Variants in CNTNAP5 observed in about 807,000 individuals in gnomAD.
The protein encoded by CNTNAP5 is contactin associated protein family member 5.
CNTNAP5 carries 72 observed loss-of-function variants against 150.2 expected under a neutral mutation model. The ratio of observed to expected loss-of-function variants is 0.48; its 90% CI spans 0.40 to 0.58. CNTNAP5 has a LOEUF of 0.58. Ranked by LOEUF, CNTNAP5 falls within the 20% of genes least tolerant of loss-of-function variation. The probability of loss-of-function intolerance (pLI) is 0.00; values close to 1 mark genes in which losing one functional copy is unlikely to be tolerated. For missense variants in CNTNAP5, 1,636 were observed against 1,626.2 expected, an observed-to-expected ratio of 1.01 and a Z score of -0.10; for synonymous variants, 672 against 619.8, an observed-to-expected ratio of 1.08 and a Z score of -1.25.
intron 1 of CNTNAP5, among the ~76,000 whole-genome samples, chr2:124,114,652 C>T (rs1274465606): frequency 6.6e-6 from 1 of 151,634 alleles, no homozygotes; most frequent in Admixed American, 6.6e-5. Flanking sequence ...CAGTACAATG[C>T]TCAGTAGAAG....
chr2:124,249,991 GTA>G (rs148373840), intron 3 of CNTNAP5, among the ~76,000 whole-genome samples: 5,098 of 38,760 alleles, frequency 0.13, 89 homozygotes, highest in African/African-American at 0.27. Flanking sequence ...GTGTGTGTGT[GTA>G]TGTGTTTCTT....
At chr2:124,098,885 T>G (rs1683000585) in intron 1 of CNTNAP5, among the ~76,000 whole-genome samples, 1 of 152,174 alleles carries the variant, frequency 6.6e-6, no homozygotes, top group Admixed American at 6.5e-5. Flanking sequence ...ATTGATCCTG[T>G]GGACGCAGCA....
chr2:124,906,894 CT>C (rs1170282747), intron 22 of CNTNAP5, among the ~76,000 whole-genome samples: 1 of 152,100 alleles, frequency 6.6e-6, no homozygotes, highest in Non-Finnish European at 1.5e-5. Flanking sequence ...CATCACACAT[CT>C]TTTAAGCAGC....
chr2:124,159,607 C>T (rs1056872388), intron 1 of CNTNAP5, among the ~76,000 whole-genome samples: 2 of 152,128 alleles, frequency 1.3e-5, no homozygotes, highest in African/African-American at 4.8e-5. Context: ...TCTTAGTTTC[C>T]TTAATCTGGA....
At chr2:124,423,504 T>A (rs1692162447) in intron 4 of CNTNAP5, among the ~76,000 whole-genome samples, 1 of 152,010 alleles carries the variant, frequency 6.6e-6, no homozygotes. Context: ...GGGAAGCTAA[T>A]TAACTTTATT....
intron 13 of CNTNAP5, among the ~76,000 whole-genome samples, chr2:124,746,104 C>A (rs75587471): frequency 6.6e-6 from 1 of 152,100 alleles, no homozygotes; most frequent in Admixed American, 6.6e-5. Flanking sequence ...TATAAAGTGG[C>A]CCTTAATAAA....
rs75825953 is a variant in CNTNAP5, at chr2:124,841,529, C to T, written c.3218-23777C>T. Reference sequence around the variant, plus strand: ...ATTAAGGTCTTCAAGACCCTAATTCCGGGTTTATCTTTCCTTCCAAGCCTT... The same window carrying T: ...ATTAAGGTCTTCAAGACCCTAATTCTGGGTTTATCTTTCCTTCCAAGCCTT... On this transcript the variant is annotated intron_variant, in intron 19 of 23. Coordinates refer to ENST00000682447, the MANE Select transcript of CNTNAP5 (RefSeq NM_001367498.1). Among the ~76,000 whole-genome samples, 523 of 152,048 alleles carry T rather than the reference C, an allele frequency of 3.4e-3. 3 individuals carry two copies. The highest frequency in any genetic ancestry group is 0.017 in the Middle Eastern group (5 of 292).
intron 16 of CNTNAP5, among the ~76,000 whole-genome samples, chr2:124,771,574 C>T (rs1681192955): frequency 6.6e-6 from 1 of 152,060 alleles, no homozygotes; most frequent in African/African-American, 2.4e-5. Context: ...ATGAGATAAT[C>T]CATGGTCAGT....
chr2:124,529,660 A>T lies in CNTNAP5; in HGVS notation c.1649+2204A>T, dbSNP rs368862229. Reference sequence around the variant, plus strand: ...TAATGTGTTAATCAACGTGAGCTGGATTTCAGGTTAATTGCAAACTCTTTG... The same window carrying T: ...TAATGTGTTAATCAACGTGAGCTGGTTTTCAGGTTAATTGCAAACTCTTTG... On this transcript the variant is annotated intron_variant, in intron 10 of 23. Transcript: ENST00000682447. Among the ~76,000 whole-genome samples the T allele has an allele frequency of 2.0e-4, 30 of 152,242 alleles. No individual in the cohort carries two copies. The East Asian group carries it at 5.8e-3, about 29-fold the overall frequency.
intron 3 of CNTNAP5, among the ~76,000 whole-genome samples, chr2:124,379,133 G>GT (rs149782242): frequency 0.059 from 8,462 of 144,372 alleles, 263 homozygotes; most frequent in Middle Eastern, 0.082. Flanking sequence ...CTTTTTTTTT[G>GT]TTTTTTTTTT....
At chr2:124,684,923 A>G (rs1300824761) in intron 13 of CNTNAP5, among the ~76,000 whole-genome samples, 1 of 152,180 alleles carries the variant, frequency 6.6e-6, no homozygotes, top group African/African-American at 2.4e-5. Flanking sequence ...GATCCATGAC[A>G]TCAGGCCCCA....
chr2:124,310,469 C>T (rs540848146), intron 3 of CNTNAP5, among the ~76,000 whole-genome samples: 3 of 152,260 alleles, frequency 2.0e-5, no homozygotes, highest in Admixed American at 6.5e-5. Context: ...TGGCTAGAAT[C>T]GTAACTTCCC....
At chr2:124,829,062 G>A (rs985695121) in intron 19 of CNTNAP5, among the ~76,000 whole-genome samples, 5 of 152,138 alleles carry the variant, frequency 3.3e-5, no homozygotes, top group Non-Finnish European at 5.9e-5. Context: ...GTCATCTTAT[G>A]TGCAAGAAAA....
intron 19 of CNTNAP5, among the ~76,000 whole-genome samples, chr2:124,828,614 T>C (rs1284337893): frequency 1.3e-5 from 2 of 151,732 alleles, no homozygotes; most frequent in Admixed American, 6.6e-5. Flanking sequence ...CTATCTAAGC[T>C]GTGTTTGAAT....
chr2:124,795,903 G>T (rs183649123), intron 18 of CNTNAP5, among the ~76,000 whole-genome samples: 2 of 152,142 alleles, frequency 1.3e-5, no homozygotes, highest in African/African-American at 2.4e-5. Flanking sequence ...TGCTCAAGGG[G>T]TGTTGTTGAT....
chr2:124,503,818 C>A lies in CNTNAP5; in HGVS notation c.1063-474C>A, dbSNP rs573788645. 1.8e-4 allele frequency among the ~76,000 whole-genome samples: 28 copies of A among 152,212 alleles called. No homozygotes were observed. In the South Asian group the frequency reaches 5.6e-3, roughly 30 times the overall value. On this transcript the variant is annotated intron_variant, in intron 7 of 23. Coordinates refer to ENST00000682447, the MANE Select transcript of CNTNAP5 (RefSeq NM_001367498.1). ...TTGCTGAAAATGCTAGTCAAGTTAC[C>A]CCCACTCCACCCCTTTCCTAATTCC...
At position 124,026,520 on chromosome 2, in the gene CNTNAP5, C is replaced by T. The variant is rs75899763; in HGVS notation, c.82+788C>T. Among the ~76,000 whole-genome samples, 22 of 152,322 alleles carry T rather than the reference C, an allele frequency of 1.4e-4. No homozygotes were observed. In the East Asian group the frequency reaches 2.7e-3, roughly 19 times the overall value. ...AACTGCACTATATATTTAAAGAATC[C>T]AGTCCGTCAAACTTGAATAAATCTC... On this transcript the variant is annotated intron_variant, in intron 1 of 23. Transcript: ENST00000682447.
chr2:124,737,477 G>A (rs1680409834), intron 13 of CNTNAP5, among the ~76,000 whole-genome samples: 1 of 152,100 alleles, frequency 6.6e-6, no homozygotes, highest in Admixed American at 6.6e-5. Context: ...GGCTGGCAAG[G>A]AGGCCAGTAC....
chr2:124,788,629 C>G (rs1681651189), intron 17 of CNTNAP5, among the ~76,000 whole-genome samples: 1 of 138,936 alleles, frequency 7.2e-6, no homozygotes, highest in African/African-American at 2.8e-5. Context: ...GAGACAGAGT[C>G]TCGCCCTGTG....
Sources: gnomAD v4.1 joint callset for allele counts (sites outside exome capture counted in the v4.1 genomes callset) on GRCh38, gnomAD v4.1.1 for gene constraint, MANE v1.5 for transcripts, NCBI Gene and HGNC (gene_info 2026-07-23, HGNC 2026-07-21) for gene names.